The following GNAQ variants were observed in gnomAD, a reference collection of about 807,000 sequenced individuals.
GNAQ encodes G protein subunit alpha q.
GNAQ carries 8 observed loss-of-function variants against 43.9 expected under a neutral mutation model. That is an observed-to-expected ratio of 0.18 (90% CI 0.11 to 0.33). GNAQ has a LOEUF of 0.33. GNAQ is among the 10% of genes least tolerant of loss of function. The probability of loss-of-function intolerance (pLI) is 1.00; values close to 1 mark genes in which losing one functional copy is unlikely to be tolerated. For missense variants in GNAQ, 158 were observed against 450.8 expected (o/e 0.35, Z 5.88); for synonymous variants, 155 against 170.7 (o/e 0.91, Z 0.71).
chr9:77,727,435 T>C (rs1587885513), intron 6 of GNAQ, among the ~76,000 whole-genome samples: 1 of 152,220 alleles, frequency 6.6e-6, no homozygotes, highest in Admixed American at 6.5e-5. Context: ...ATGGGTTGGG[T>C]GTCTAGTTGT....
chr9:77,872,568 A>T (rs1217211662), intron 2 of GNAQ, among the ~76,000 whole-genome samples: 2 of 152,224 alleles, frequency 1.3e-5, no homozygotes, highest in African/African-American at 2.4e-5. Context: ...CATATATTTC[A>T]TAACAGGGTG....
chr9:77,748,745 G>A (rs752927470), intron 5 of GNAQ, among the ~76,000 whole-genome samples: 1 of 152,182 alleles, frequency 6.6e-6, no homozygotes, highest in Non-Finnish European at 1.5e-5. Context: ...AAAATAGGTA[G>A]CACAGCAAGA....
intron 2 of GNAQ, among the ~76,000 whole-genome samples, chr9:77,816,670 C>G (rs866633222): frequency 6.6e-6 from 1 of 151,974 alleles, no homozygotes; most frequent in African/African-American, 2.4e-5. Flanking sequence ...GCACAAATAA[C>G]TAATTGTGTT....
At chr9:77,743,917 A>G (rs532709584) in intron 5 of GNAQ, among the ~76,000 whole-genome samples, 16 of 152,366 alleles carry the variant, frequency 1.1e-4, no homozygotes, top group Admixed American at 2.0e-4. Context: ...CCATGTGCTC[A>G]TAACAGCTGG....
At chr9:77,985,368 T>G (rs1417115158) in intron 1 of GNAQ, among the ~76,000 whole-genome samples, 1 of 151,890 alleles carries the variant, frequency 6.6e-6, no homozygotes, top group African/African-American at 2.4e-5. Context: ...GTTTTGGTTT[T>G]CCTTTTACAG....
At chr9:77,932,063 C>T (rs903845080) in intron 1 of GNAQ, among the ~76,000 whole-genome samples, 1 of 152,100 alleles carries the variant, frequency 6.6e-6, no homozygotes, top group African/African-American at 2.4e-5. Context: ...AAAATAAAGA[C>T]AGGATCATTA....
chr9:77,981,494 G>C (rs1163703993), intron 1 of GNAQ, among the ~76,000 whole-genome samples: 1 of 152,178 alleles, frequency 6.6e-6, no homozygotes, highest in African/African-American at 2.4e-5. Flanking sequence ...CGGCACAGCA[G>C]GGCAAGTCAG....
chr9:78,019,475 T>C (rs1310736903), intron 1 of GNAQ, among the ~76,000 whole-genome samples: 1 of 152,224 alleles, frequency 6.6e-6, no homozygotes, highest in Non-Finnish European at 1.5e-5. Context: ...TCTTGGACCA[T>C]TAGAATGTAA....
At chr9:77,815,556 T>A (rs1345484011) in intron 3 of GNAQ, 60 bp downstream of exon 3, 3 of 1,094,082 alleles carry the variant, frequency 2.7e-6, no homozygotes, top group African/African-American at 1.6e-5. Context: ...ATGATAATCA[T>A]AAAACCTCCA....
At chr9:77,939,184 G>T (rs1207294011) in intron 1 of GNAQ, among the ~76,000 whole-genome samples, 1 of 152,210 alleles carries the variant, frequency 6.6e-6, no homozygotes, top group Admixed American at 6.5e-5. Context: ...GAGGGGCAAG[G>T]AAGGTTCTAG....
At chr9:77,733,026 G>C (rs1409313849) in intron 5 of GNAQ, among the ~76,000 whole-genome samples, 17 of 152,180 alleles carry the variant, frequency 1.1e-4, no homozygotes. Context: ...GGAAATGTCA[G>C]ACTCGCCTAG....
intron 1 of GNAQ, among the ~76,000 whole-genome samples, chr9:77,969,794 C>T (rs901445149): frequency 6.6e-6 from 1 of 152,158 alleles, no homozygotes; most frequent in Non-Finnish European, 1.5e-5. Context: ...GTAATGCATG[C>T]CTACTAAATG....
chr9:77,891,819 T>C (rs1163476430), intron 2 of GNAQ, among the ~76,000 whole-genome samples: 1 of 152,210 alleles, frequency 6.6e-6, no homozygotes, highest in Non-Finnish European at 1.5e-5. Context: ...TGTATTCCTT[T>C]AGTGTCTAAG....
intron 5 of GNAQ, among the ~76,000 whole-genome samples, chr9:77,793,056 G>A (rs992681310): frequency 6.6e-6 from 1 of 152,018 alleles, no homozygotes; most frequent in African/African-American, 2.4e-5. Context: ...AAAATCAGAA[G>A]TGTTAGAATA....
chr9:77,823,033 G>A (rs563789264), intron 2 of GNAQ, among the ~76,000 whole-genome samples: 2 of 151,634 alleles, frequency 1.3e-5, no homozygotes, highest in African/African-American at 4.8e-5. Flanking sequence ...TCCGCCTCCC[G>A]GGTTCATGCC....
In GNAQ at chr9:77,716,925, T is replaced by C. The variant is rs1046276635; in HGVS notation, c.*4398A>G. ...AGTGTTATTGAAAGGGCAGTGATCA[T>C]TGGGAAGACAGCAGGAAATGGCTAT... On this transcript the variant is annotated 3_prime_UTR_variant, in exon 7 of 7. Coordinates refer to ENST00000286548, the MANE Select transcript of GNAQ (RefSeq NM_002072.5). 14 of 232,718 alleles carry C rather than the reference T, an allele frequency of 6.0e-5. No individual in the cohort carries two copies. Among genetic ancestry groups the C allele is most frequent in the Non-Finnish European group, 1.0e-4 (12 of 117,824 alleles). 14.4% of individuals were successfully genotyped at this position (232,718 alleles called of 1,614,324 possible). A position where few individuals can be genotyped will look rare whatever the true frequency, so the allele number is the denominator to read the frequency against.
chr9:77,924,870 C>A (rs1829046058), intron 1 of GNAQ, among the ~76,000 whole-genome samples: 2 of 152,034 alleles, frequency 1.3e-5, no homozygotes. Flanking sequence ...CTGGGTACCC[C>A]CAGGAGGCTG....
chr9:77,858,978 C>T (rs946428881), intron 2 of GNAQ, among the ~76,000 whole-genome samples: 2 of 152,028 alleles, frequency 1.3e-5, no homozygotes, highest in South Asian at 2.1e-4. Flanking sequence ...ATACTTAGGC[C>T]CCATCACACT....
At chr9:77,876,439 T>A (rs1828124770) in intron 2 of GNAQ, among the ~76,000 whole-genome samples, 1 of 152,216 alleles carries the variant, frequency 6.6e-6, no homozygotes, top group Admixed American at 6.5e-5. Context: ...TTACAGTAGT[T>A]GTAGAGAGCA....
Sources: allele counts gnomAD v4.1 joint callset (sites outside exome capture counted in the v4.1 genomes callset), GRCh38; gene constraint gnomAD v4.1.1; transcripts MANE v1.5; gene names NCBI Gene and HGNC (gene_info 2026-07-23, HGNC 2026-07-21).